XPO7: variants seen among roughly 807,000 people sequenced by gnomAD.
XPO7 encodes exportin 7.
XPO7 carries 21 observed loss-of-function variants against 144.3 expected under a neutral mutation model. The ratio of observed to expected loss-of-function variants is 0.15; its 90% confidence interval spans 0.10 to 0.21. XPO7 has a LOEUF of 0.21. XPO7 is among the 10% of genes least tolerant of loss of function. The probability of loss-of-function intolerance (pLI) is 1.00; values close to 1 mark genes in which losing one functional copy is unlikely to be tolerated. For synonymous variants in XPO7, 580 were observed against 499.6 expected (o/e 1.16, Z -2.15); for missense variants, 808 against 1,325.8 (o/e 0.61, Z 6.06).
chr8:21,971,031 T>C lies in XPO7; in HGVS notation c.426+721T>C, dbSNP rs992358898. Among the ~76,000 whole-genome samples, 4 of 152,192 alleles carry C rather than the reference T, an allele frequency of 2.6e-5. No homozygotes were observed. The South Asian group carries it at 6.2e-4, about 24-fold the overall frequency. On this transcript the variant is annotated intron_variant, in intron 4 of 27. Coordinates refer to ENST00000252512, the MANE Select transcript of XPO7 (RefSeq NM_015024.5). ...GGTAAGCGCCCTATACAGGTGTAGC[T>C]TTTTAAAAAAAAAATCTTTTATGCT...
At chr8:21,996,820 A>C (rs1211079414) in intron 21 of XPO7, among the ~76,000 whole-genome samples, 1 of 151,828 alleles carries the variant, frequency 6.6e-6, no homozygotes, top group Non-Finnish European at 1.5e-5. Context: ...TTAGTTAGTT[A>C]TGTTTGATCC....
intron 1 of XPO7, among the ~76,000 whole-genome samples, chr8:21,937,607 C>G (rs1018530643): frequency 6.6e-6 from 1 of 152,122 alleles, no homozygotes; most frequent in African/African-American, 2.4e-5. Context: ...GAAGGTATTT[C>G]TTTTTGGAGT....
intron 1 of XPO7, among the ~76,000 whole-genome samples, chr8:21,956,277 A>G (rs1479682385): frequency 6.6e-6 from 1 of 152,190 alleles, no homozygotes; most frequent in Non-Finnish European, 1.5e-5. Context: ...TGTGATGTCC[A>G]GAGCCATGTG....
chr8:21,928,216 T>G (rs1444238853), intron 1 of XPO7, among the ~76,000 whole-genome samples: 1 of 152,260 alleles, frequency 6.6e-6, no homozygotes, highest in Non-Finnish European at 1.5e-5. Flanking sequence ...CTTCTTTCAC[T>G]CAGCATAGTA....
chr8:21,933,292 G>A (rs1810715880), intron 1 of XPO7, among the ~76,000 whole-genome samples: 1 of 151,954 alleles, frequency 6.6e-6, no homozygotes, highest in African/African-American at 2.4e-5. Context: ...AGTAGAGATG[G>A]GGTTTCACCA....
chr8:21,939,511 G>A (rs1043673763), intron 1 of XPO7, among the ~76,000 whole-genome samples: 6 of 152,114 alleles, frequency 3.9e-5, no homozygotes, highest in African/African-American at 7.2e-5. Flanking sequence ...GTGAGCCACC[G>A]CCCCAGGTCT....
chr8:22,003,378 A>G lies in XPO7; in HGVS notation c.3042+61A>G. 3.0e-6 allele frequency: 4 copies of G among 1,348,188 alleles called. No homozygotes were observed. In the Admixed American group the frequency reaches 8.4e-5, roughly 28 times the overall value. 83.5% of individuals were successfully genotyped at this position (1,348,188 alleles called of 1,614,324 possible). A position where few individuals can be genotyped will look rare whatever the true frequency, so the allele number is the denominator to read the frequency against. ...CAGTGGCAACCACGCACTTGGTATC[A>G]CCAAGCCCTGGGAGAAATGTGTATA... is the stretch of plus-strand genomic sequence containing the variant. On this transcript the variant is annotated intron_variant, in intron 26 of 27. Transcript: ENST00000252512.
At chr8:21,951,074 C>T (rs1048877499) in intron 1 of XPO7, among the ~76,000 whole-genome samples, 1 of 151,730 alleles carries the variant, frequency 6.6e-6, no homozygotes, top group Non-Finnish European at 1.5e-5. Context: ...CCAGCCTGGG[C>T]GACAGAGCGA....
intron 26 of XPO7, among the ~76,000 whole-genome samples, chr8:22,003,526 A>C (rs1028554433): frequency 6.6e-6 from 1 of 152,228 alleles, no homozygotes; most frequent in African/African-American, 2.4e-5. Flanking sequence ...GCTCACAGAC[A>C]CAGGATAAAG....
intron 1 of XPO7, among the ~76,000 whole-genome samples, chr8:21,935,059 G>T (rs1810778336): frequency 2.6e-5 from 4 of 151,982 alleles, no homozygotes; most frequent in African/African-American, 9.7e-5. Flanking sequence ...CATTTGCATT[G>T]TATGTAGGCA....
In XPO7 at chr8:21,966,853, C is replaced by A. The variant is rs752182002; in HGVS notation, c.19-4C>A. The A allele has an allele frequency of 6.2e-7, 1 of 1,609,722 alleles. No homozygotes were observed. Among genetic ancestry groups the A allele is most frequent in the South Asian group, 1.1e-5 (1 of 90,504 alleles). On this transcript the variant is annotated splice_region_variant and splice_polypyrimidine_tract_variant and intron_variant, in intron 1 of 27. Coordinates refer to ENST00000252512, the MANE Select transcript of XPO7 (RefSeq NM_015024.5). ...TGTTTTCTTTCCTGACTGATCTTTT[C>A]CAGAGCCTGGCCCAACTAGAGAATC... is the stretch of plus-strand genomic sequence containing the variant.
At chr8:21,963,461 C>G (rs918619302) in intron 1 of XPO7, among the ~76,000 whole-genome samples, 2 of 152,112 alleles carry the variant, frequency 1.3e-5, no homozygotes, top group African/African-American at 4.8e-5. Flanking sequence ...TTTGGGAGGC[C>G]AAGCCAGGCA....
intron 1 of XPO7, among the ~76,000 whole-genome samples, chr8:21,930,407 A>T (rs1197899714): frequency 6.6e-6 from 1 of 152,166 alleles, no homozygotes; most frequent in Non-Finnish European, 1.5e-5. Flanking sequence ...AGGGTTATAG[A>T]GTGAGATCGG....
At chr8:21,944,500 G>A (rs1811094918) in intron 1 of XPO7, among the ~76,000 whole-genome samples, 1 of 152,196 alleles carries the variant, frequency 6.6e-6, no homozygotes, top group Non-Finnish European at 1.5e-5. Flanking sequence ...CCAGGAGGCG[G>A]AGGCTGCAGT....
intron 11 of XPO7, among the ~76,000 whole-genome samples, chr8:21,983,091 C>T (rs1024135289): frequency 4.6e-5 from 7 of 152,062 alleles, no homozygotes; most frequent in Non-Finnish European, 8.8e-5. Flanking sequence ...TTGTCCTTGC[C>T]GCTGTTTTTC....
At chr8:21,944,354 G>C (rs1811089378) in intron 1 of XPO7, among the ~76,000 whole-genome samples, 1 of 152,154 alleles carries the variant, frequency 6.6e-6, no homozygotes, top group Non-Finnish European at 1.5e-5. Flanking sequence ...GATCACCTGA[G>C]GTCAGGAGTT....
intron 8 of XPO7, among the ~76,000 whole-genome samples, chr8:21,979,140 G>A (rs1209103918): frequency 6.6e-6 from 1 of 152,172 alleles, no homozygotes; most frequent in Non-Finnish European, 1.5e-5. Flanking sequence ...ACTACCCATG[G>A]GTTCAAGCGA....
At chr8:21,945,122 T>C (rs1184688553) in intron 1 of XPO7, among the ~76,000 whole-genome samples, 1 of 152,186 alleles carries the variant, frequency 6.6e-6, no homozygotes, top group Non-Finnish European at 1.5e-5. Context: ...AGCTGTTGGG[T>C]ACACCTCCCA....
intron 8 of XPO7, 126 bp downstream of exon 8, chr8:21,977,969 T>C (rs918133305): frequency 5.2e-6 from 4 of 768,736 alleles, no homozygotes; most frequent in African/African-American, 3.6e-5. Flanking sequence ...AGGCTAGTTA[T>C]CTAGTCTTTT....
Sources: gnomAD v4.1 joint callset for allele counts (sites outside exome capture counted in the v4.1 genomes callset) on GRCh38, gnomAD v4.1.1 for gene constraint, MANE v1.5 for transcripts, NCBI Gene and HGNC (gene_info 2026-07-23, HGNC 2026-07-21) for gene names.